The following H2BC18 variants were observed in gnomAD, a reference collection of about 807,000 sequenced individuals.
H2BC18 encodes the protein histone H2B type 2-F.
H2BC18 carries 8 observed loss-of-function variants against 6.3 expected under a neutral mutation model. The observed-to-expected ratio is 1.28, with a 90% CI of 0.75 to 2.31. H2BC18 has a LOEUF of 2.31. Ranked by LOEUF, H2BC18 falls within the 30% of genes most tolerant of loss-of-function variation. H2BC18 has a pLI of 0.00. For missense variants in H2BC18, 106 were observed against 174.5 expected, an observed-to-expected ratio of 0.61 and a Z score of 2.21; for synonymous variants, 104 against 78.1, an observed-to-expected ratio of 1.33 and a Z score of -1.75.
At chr1:149,795,251 A>AAAAT (rs59487657) in intron 1 of H2BC18, among the ~76,000 whole-genome samples, 12,186 of 108,322 alleles carry the variant, frequency 0.11, 1,093 homozygotes, top group East Asian at 0.24. Flanking sequence ...CCCTGTCTCA[A>AAAAT]AAATAAATAA....
intron 1 of H2BC18, among the ~76,000 whole-genome samples, chr1:149,798,890 T>A (rs1262374949): frequency 1.6e-4 from 24 of 151,868 alleles, no homozygotes; most frequent in African/African-American, 5.8e-4. Context: ...CAGGATTACA[T>A]GTGTGACCCA....
chr1:149,806,846 G>C (rs1248749335), intron 1 of H2BC18, among the ~76,000 whole-genome samples: 3 of 152,132 alleles, frequency 2.0e-5, no homozygotes, highest in South Asian at 4.2e-4. Flanking sequence ...GAAGTACAAG[G>C]AGAAAATTAT....
chr1:149,802,536 TATAG>T lies in H2BC18; in HGVS notation c.377+9407_377+9410del, dbSNP rs199972818. 1.3e-3 allele frequency among the ~76,000 whole-genome samples: 196 copies of T among 152,270 alleles called. 2 individuals carry two copies. The highest frequency in any genetic ancestry group is 7.5e-3 in the East Asian group (39 of 5,182). On this transcript the variant is annotated intron_variant, in intron 1 of 1. Coordinates refer to the H2BC18 transcript ENST00000545683. The stretch of plus-strand genomic sequence containing the variant: ...AATAGGGGAGACATATATCTATAGA[TATAG>T]ATAGATGATAATAGATTAGATACAG...
intron 1 of H2BC18, among the ~76,000 whole-genome samples, chr1:149,785,408 GTTTTTTT>G (rs10670379): frequency 1.5e-5 from 1 of 67,636 alleles, no homozygotes. Context: ...GAGCTGTTTC[GTTTTTTT>G]TTTTTTTTTT....
chr1:149,797,183 G>A (rs1553752872), intron 1 of H2BC18, among the ~76,000 whole-genome samples: 1 of 152,172 alleles, frequency 6.6e-6, no homozygotes, highest in Non-Finnish European at 1.5e-5. Context: ...AAAGTGCTGG[G>A]ATTACAGGCA....
At chr1:149,801,439 A>G (rs1401556998) in intron 1 of H2BC18, among the ~76,000 whole-genome samples, 1 of 148,984 alleles carries the variant, frequency 6.7e-6, no homozygotes, top group Non-Finnish European at 1.5e-5. Flanking sequence ...GGACTTCCCT[A>G]CGATCACCAA....
intron 1 of H2BC18, chr1:149,790,106 G>A (rs782609134): frequency 1.4e-5 from 23 of 1,613,854 alleles, no homozygotes; most frequent in Non-Finnish European, 1.9e-5. Flanking sequence ...CACTCCTGGA[G>A]GGGAATCTGG....
At chr1:149,804,111 T>C (rs1553753640) in intron 1 of H2BC18, 1 of 152,318 alleles carries the variant, frequency 6.6e-6, no homozygotes, top group Non-Finnish European at 1.5e-5. Flanking sequence ...CTATGCTAGC[T>C]AATAGTTTTC....
chr1:149,800,247 C>T (rs1553753174), intron 1 of H2BC18, among the ~76,000 whole-genome samples: 2 of 152,238 alleles, frequency 1.3e-5, no homozygotes, highest in Non-Finnish European at 2.9e-5. Context: ...GGGTGCGCCG[C>T]CCTTCAGGAA....
chr1:149,791,612 C>G, intron 1 of H2BC18: 1 of 1,534,718 alleles, frequency 6.5e-7, no homozygotes, highest in Non-Finnish European at 8.7e-7. Context: ...TCAACAACAC[C>G]AGAACTGTGT....
downstream of H2BC18, among the ~76,000 whole-genome samples, chr1:149,809,662 C>T (rs1200886092): frequency 3.5e-5 from 5 of 142,346 alleles, no homozygotes; most frequent in African/African-American, 1.4e-4. Context: ...AATGTAAAAA[C>T]AAGAAAAAGA....
At chr1:149,785,119 C>T (rs1179974864) in intron 1 of H2BC18, among the ~76,000 whole-genome samples, 1 of 152,136 alleles carries the variant, frequency 6.6e-6, no homozygotes, top group African/African-American at 2.4e-5. Context: ...CAATATTCTT[C>T]AGGGAAAAAT....
intron 1 of H2BC18, chr1:149,803,924 G>A (rs1553753626): frequency 6.6e-6 from 1 of 152,228 alleles, no homozygotes; most frequent in East Asian, 1.9e-4. Context: ...TTTGGATGCT[G>A]AGTAGTTGAC....
rs1403032484 is a variant in H2BC18, at chr1:149,799,753, A to T, written c.377+12194T>A. Among the ~76,000 whole-genome samples, 3 of 152,104 alleles carry T rather than the reference A, an allele frequency of 2.0e-5. No homozygotes were observed. In the South Asian group the frequency reaches 6.2e-4, roughly 32 times the overall value. On this transcript the variant is annotated intron_variant, in intron 1 of 1. Transcript: ENST00000545683. ...TAACTTTTCTTTCATCTCTGCATGC[A>T]TCTTTTTATATGGCTTTGTGGAGGA...
chr1:149,790,429 A>G lies in H2BC18; in HGVS notation c.378-7169T>C, dbSNP rs1435753611. On this transcript the variant is annotated intron_variant, in intron 1 of 1. Transcript: ENST00000545683. ...AGGTTTGTTCAAGGGTTTTTGGCCCAGACAGGAGGGGAAAGTCTCTTCAGG... is the reference window on the plus strand; with the variant it reads ...AGGTTTGTTCAAGGGTTTTTGGCCCGGACAGGAGGGGAAAGTCTCTTCAGG... The G allele has an allele frequency of 1.9e-6, 3 of 1,544,822 alleles. No individual in the cohort carries two copies. In the African/African-American group the frequency reaches 4.1e-5, roughly 21 times the overall value.
intron 1 of H2BC18, chr1:149,790,177 C>A (rs2091667648): frequency 6.2e-7 from 1 of 1,613,870 alleles, no homozygotes; most frequent in Admixed American, 1.7e-5. Flanking sequence ...CTTTACTTCT[C>A]CTTCTACATG....
At chr1:149,801,406 G>A (rs2091868359) in intron 1 of H2BC18, among the ~76,000 whole-genome samples, 1 of 150,648 alleles carries the variant, frequency 6.6e-6, no homozygotes, top group Non-Finnish European at 1.5e-5. Context: ...ATTAGAGATG[G>A]GAAACTTGCA....
At chr1:149,794,334 A>T (rs2091776070) in intron 1 of H2BC18, among the ~76,000 whole-genome samples, 1 of 151,958 alleles carries the variant, frequency 6.6e-6, no homozygotes, top group South Asian at 2.1e-4. Context: ...TGAGACAGCA[A>T]GTTGGTGGAG....
At chr1:149,800,037 G>A (rs2091848832) in intron 1 of H2BC18, among the ~76,000 whole-genome samples, 2 of 151,766 alleles carry the variant, frequency 1.3e-5, no homozygotes, top group Admixed American at 1.3e-4. Context: ...TCCAAGTCTG[G>A]GCCTCCAGAA....
Sources: allele counts gnomAD v4.1 joint callset (sites outside exome capture counted in the v4.1 genomes callset), GRCh38; gene constraint gnomAD v4.1.1; transcripts MANE v1.5; gene names NCBI Gene and HGNC (gene_info 2026-07-23, HGNC 2026-07-21).